AGTPBP1: variants seen among roughly 807,000 people sequenced by gnomAD.
AGTPBP1 encodes the protein cytosolic carboxypeptidase 1.
AGTPBP1 carries 70 observed loss-of-function variants against 143.9 expected under a neutral mutation model. The ratio of observed to expected loss-of-function variants is 0.49; its 90% CI spans 0.40 to 0.59. The LOEUF (loss-of-function observed/expected upper bound fraction) is 0.59, where lower values mean the gene tolerates loss of function less well. Among genes scored for constraint, AGTPBP1 ranks in the 20% least tolerant of loss-of-function variants. AGTPBP1 has a pLI of 0.00. For synonymous variants in AGTPBP1, 463 were observed against 500.2 expected (o/e 0.93, Z 0.99); for missense variants, 1,229 against 1,464.5 (o/e 0.84, Z 2.62).
At chr9:85,647,351 C>G (rs1365664465) in intron 11 of AGTPBP1, among the ~76,000 whole-genome samples, 1 of 152,186 alleles carries the variant, frequency 6.6e-6, no homozygotes, top group Non-Finnish European at 1.5e-5. Context: ...GGCCCATGGG[C>G]AGCATATTGG....
chr9:85,640,430 C>T (rs976411285), intron 13 of AGTPBP1, among the ~76,000 whole-genome samples: 1 of 152,214 alleles, frequency 6.6e-6, no homozygotes, highest in Non-Finnish European at 1.5e-5. Flanking sequence ...AACTTTACAG[C>T]AGAATAGACA....
intron 2 of AGTPBP1, among the ~76,000 whole-genome samples, chr9:85,704,234 A>G (rs1836843837): frequency 6.6e-6 from 1 of 152,190 alleles, no homozygotes; most frequent in African/African-American, 2.4e-5. Flanking sequence ...GTCCAGGGAA[A>G]CCATCGTGGC....
At chr9:85,741,422 C>G (rs1824263592) in intron 1 of AGTPBP1, 5 of 985,222 alleles carry the variant, frequency 5.1e-6, no homozygotes, top group Non-Finnish European at 6.0e-6. Context: ...CGCGGCGCCG[C>G]GAGCTCGGGC....
intron 1 of AGTPBP1, among the ~76,000 whole-genome samples, chr9:85,731,290 A>C (rs1391244108): frequency 6.6e-6 from 1 of 152,216 alleles, no homozygotes. Flanking sequence ...CACAACCAAT[A>C]GAATGGCTAA....
chr9:85,558,471 T>A (rs1826491106), intron 25 of AGTPBP1, among the ~76,000 whole-genome samples: 1 of 152,238 alleles, frequency 6.6e-6, no homozygotes, highest in Admixed American at 6.5e-5. Flanking sequence ...GTTAATTTTA[T>A]GCTCTGTGAA....
At chr9:85,664,091 C>A (rs1833995484) in intron 8 of AGTPBP1, among the ~76,000 whole-genome samples, 1 of 152,108 alleles carries the variant, frequency 6.6e-6, no homozygotes, top group Non-Finnish European at 1.5e-5. Context: ...TGAATCCATT[C>A]ATATAAAATT....
At chr9:85,767,934 T>G in the AGTPBP1 span, among the ~76,000 whole-genome samples, 1 of 152,188 alleles carries the variant, frequency 6.6e-6, no homozygotes, top group Non-Finnish European at 1.5e-5. Context: ...CAAGTGGACC[T>G]GCTGGATCAG....
intron 11 of AGTPBP1, among the ~76,000 whole-genome samples, chr9:85,653,426 T>C (rs1833295548): frequency 6.6e-6 from 1 of 152,136 alleles, no homozygotes; most frequent in Non-Finnish European, 1.5e-5. Context: ...AAAATATAAT[T>C]TCTTGTTTGT....
At chr9:85,687,144 G>A (rs1835534605) in intron 3 of AGTPBP1, among the ~76,000 whole-genome samples, 2 of 152,086 alleles carry the variant, frequency 1.3e-5, no homozygotes, top group African/African-American at 2.4e-5. Flanking sequence ...GAGACAAAAA[G>A]CAATATTTCA....
Position 85,714,494 on chromosome 9 carries a change from G to A in AGTPBP1, c.-33-1928C>T, listed in dbSNP as rs576682517. On this transcript the variant is annotated intron_variant, in intron 1 of 25. Transcript: ENST00000357081. The stretch of plus-strand genomic sequence containing the variant: ...GCCCTTCTATGCAGTCATGTATCCT[G>A]TGTGTAATGAGCTAGAAGGAGTAAA... 3.3e-5 allele frequency among the ~76,000 whole-genome samples: 5 copies of A among 152,290 alleles called. No individual in the cohort carries two copies. In the South Asian group the frequency reaches 1.0e-3, roughly 32 times the overall value.
intron 3 of AGTPBP1, among the ~76,000 whole-genome samples, chr9:85,682,056 T>C (rs1835217884): frequency 6.6e-6 from 1 of 150,956 alleles, no homozygotes; most frequent in Non-Finnish European, 1.5e-5. Flanking sequence ...CCTGTATTAA[T>C]ACTATTTTAA....
intron 3 of AGTPBP1, among the ~76,000 whole-genome samples, chr9:85,691,522 C>CAA (rs35202350): frequency 7.2e-6 from 1 of 138,314 alleles, no homozygotes. Context: ...TTCTCTTATC[C>CAA]AAAAAAAAAA....
intron 3 of AGTPBP1, among the ~76,000 whole-genome samples, chr9:85,689,750 G>T (rs1371043773): frequency 6.6e-6 from 1 of 151,146 alleles, no homozygotes; most frequent in Admixed American, 6.6e-5. Context: ...TAAAAAATTA[G>T]CCTGGTGTTG....
chr9:85,739,933 G>T (rs1824125992), intron 1 of AGTPBP1, among the ~76,000 whole-genome samples: 1 of 151,788 alleles, frequency 6.6e-6, no homozygotes, highest in East Asian at 1.9e-4. Context: ...AACCCGGTAG[G>T]GGCAGGTTGC....
At chr9:85,702,415 T>A (rs141856042) in intron 2 of AGTPBP1, among the ~76,000 whole-genome samples, 69 of 152,326 alleles carry the variant, frequency 4.5e-4, no homozygotes, top group African/African-American at 1.5e-3. Flanking sequence ...TTCAAACTGC[T>A]GCTAATTTAA....
Position 85,728,030 on chromosome 9 carries a change from TACACACACAC to T in AGTPBP1, c.-34+13735_-34+13744del, listed in dbSNP as rs57676033. ...CCGTGTCTCAAAATATATATTTATA[TACACACACAC>T]ACACACACACACACACACACACACA... is the stretch of plus-strand genomic sequence containing the variant. On this transcript the variant is annotated intron_variant, in intron 1 of 25. Transcript: ENST00000357081. Among the ~76,000 whole-genome samples the T allele has an allele frequency of 4.3e-3, 554 of 128,430 alleles. 2 individuals carry two copies. Among genetic ancestry groups the T allele is most frequent in the African/African-American group, 5.8e-3 (200 of 34,782 alleles). 84.3% of individuals were successfully genotyped at this position (128,430 alleles called of 152,430 possible).
In AGTPBP1 at chr9:85,585,432, C is replaced by A. The variant is rs200597307; in HGVS notation, c.3165+31G>T. 3.3e-6 allele frequency: 5 copies of A among 1,523,342 alleles called. No individual in the cohort carries two copies. In the Admixed American group the frequency reaches 8.1e-5, roughly 25 times the overall value. 94.4% of individuals were successfully genotyped at this position (1,523,342 alleles called of 1,614,324 possible). On this transcript the variant is annotated intron_variant, in intron 23 of 25. Coordinates refer to ENST00000357081, the MANE Select transcript of AGTPBP1 (RefSeq NM_001330701.2). Reference sequence around the variant, plus strand: ...TGTACTTTTATGCATGTTTGAAATTCAAAAACTTATGAATCATCTGTAATA... The same window carrying A: ...TGTACTTTTATGCATGTTTGAAATTAAAAAACTTATGAATCATCTGTAATA...
intron 25 of AGTPBP1, among the ~76,000 whole-genome samples, chr9:85,570,110 G>C (rs766755110): frequency 6.6e-6 from 1 of 152,076 alleles, no homozygotes; most frequent in African/African-American, 2.4e-5. Context: ...TGATAACTGA[G>C]ACAGCTACTA....
upstream of AGTPBP1, among the ~76,000 whole-genome samples, chr9:85,743,147 C>A (rs553625899): frequency 6.6e-6 from 1 of 152,218 alleles, no homozygotes; most frequent in East Asian, 1.9e-4. Flanking sequence ...CAATCAGAAA[C>A]GTATTATCTG....
Sources: gnomAD v4.1 joint callset for allele counts (sites outside exome capture counted in the v4.1 genomes callset) on GRCh38, gnomAD v4.1.1 for gene constraint, MANE v1.5 for transcripts, NCBI Gene and HGNC (gene_info 2026-07-23, HGNC 2026-07-21) for gene names.